TTC7B: variants seen among roughly 807,000 people sequenced by gnomAD.
TTC7B encodes tetratricopeptide repeat domain 7B.
Under a neutral mutation model 106.8 loss-of-function variants are expected in TTC7B, and 28 were observed. The observed-to-expected ratio is 0.26, with a 90% CI of 0.19 to 0.36. TTC7B has a LOEUF of 0.36. Among genes scored for constraint, TTC7B ranks in the 10% least tolerant of loss-of-function variants. The probability of loss-of-function intolerance (pLI) is 1.00; values close to 1 mark genes in which losing one functional copy is unlikely to be tolerated. For synonymous variants in TTC7B, 405 were observed against 430.6 expected, an observed-to-expected ratio of 0.94 and a Z score of 0.74; for missense variants, 862 against 1,076.4, an observed-to-expected ratio of 0.80 and a Z score of 2.79.
At chr14:90,694,585 T>G (rs1213688374) in intron 6 of TTC7B, among the ~76,000 whole-genome samples, 1 of 148,918 alleles carries the variant, frequency 6.7e-6, no homozygotes, top group South Asian at 2.1e-4. Context: ...GTATAATACA[T>G]ATATGTCACA....
intron 19 of TTC7B, among the ~76,000 whole-genome samples, chr14:90,547,409 T>C (rs556170147): frequency 7.9e-5 from 12 of 152,366 alleles, no homozygotes; most frequent in African/African-American, 2.4e-4. Flanking sequence ...GGAAGGCTCC[T>C]GTGTGCAAGG....
chr14:90,793,808 A>G (rs188858556), intron 1 of TTC7B, among the ~76,000 whole-genome samples: 1 of 151,202 alleles, frequency 6.6e-6, no homozygotes, highest in African/African-American at 2.4e-5. Context: ...GGGTTTCTCC[A>G]TGTTGGTCAG....
At chr14:90,618,230 A>T (rs954018704) in intron 15 of TTC7B, among the ~76,000 whole-genome samples, 185 bp from the exon 16 acceptor site, 2 of 152,208 alleles carry the variant, frequency 1.3e-5, no homozygotes, top group East Asian at 1.9e-4. Flanking sequence ...GCTTTGCACA[A>T]GTCTCACCAC....
intron 18 of TTC7B, among the ~76,000 whole-genome samples, chr14:90,592,597 T>C (rs1052684160): frequency 6.6e-6 from 1 of 151,478 alleles, no homozygotes; most frequent in African/African-American, 2.4e-5. Context: ...TAATTCCAGC[T>C]ACTTGGGAGG....
intron 15 of TTC7B, among the ~76,000 whole-genome samples, chr14:90,623,746 C>A (rs769086912): frequency 1.3e-5 from 2 of 152,190 alleles, no homozygotes; most frequent in Non-Finnish European, 2.9e-5. Flanking sequence ...TTTGGCTGGG[C>A]GCTGTGGCTC....
chr14:90,753,468 C>A (rs1890195118), intron 3 of TTC7B, among the ~76,000 whole-genome samples: 2 of 152,314 alleles, frequency 1.3e-5, no homozygotes, highest in South Asian at 4.1e-4. Context: ...CAAGGGCAGC[C>A]CCGATGGCTG....
chr14:90,736,622 T>C (rs762670079), intron 4 of TTC7B, among the ~76,000 whole-genome samples: 1 of 151,884 alleles, frequency 6.6e-6, no homozygotes. Context: ...TGGTGGCTTA[T>C]GCATGTAATC....
At chr14:90,764,773 C>T (rs1413430193) in intron 3 of TTC7B, among the ~76,000 whole-genome samples, 1 of 152,094 alleles carries the variant, frequency 6.6e-6, no homozygotes, top group Non-Finnish European at 1.5e-5. Context: ...CCATTTCATA[C>T]ACTCTAGGAT....
rs1459536698 is a variant in TTC7B at position 90,734,433 on chromosome 14, AAAAG to A, written c.577-4241_577-4238del. Among the ~76,000 whole-genome samples, 101 of 151,954 alleles carry A rather than the reference AAAAG, an allele frequency of 6.6e-4. 1 individual carries two copies. The highest frequency in any genetic ancestry group is 2.1e-3 in the African/African-American group (88 of 41,486). On this transcript the variant is annotated intron_variant, in intron 4 of 19. Transcript: ENST00000328459. ...AGACTCTGTCTCCCAAAAAAAAAAAAAAAGAAAGGAGGAAACAACGACAAAAATC... is the reference window on the plus strand; with the variant it reads ...AGACTCTGTCTCCCAAAAAAAAAAAAAAAGGAGGAAACAACGACAAAAATC...
chr14:90,603,597 A>C (rs1319215397), intron 17 of TTC7B, among the ~76,000 whole-genome samples: 1 of 152,212 alleles, frequency 6.6e-6, no homozygotes, highest in Non-Finnish European at 1.5e-5. Context: ...TTCCAAAGGG[A>C]AGGGAAAAAT....
intron 15 of TTC7B, among the ~76,000 whole-genome samples, chr14:90,618,259 G>A (rs989475076): frequency 3.3e-5 from 5 of 152,228 alleles, no homozygotes; most frequent in South Asian, 2.1e-4. Context: ...ATGCAAGCAC[G>A]ATGTGACTAT....
chr14:90,668,405 G>A (rs1419476106), intron 9 of TTC7B, among the ~76,000 whole-genome samples: 2 of 152,154 alleles, frequency 1.3e-5, no homozygotes, highest in Admixed American at 6.5e-5. Flanking sequence ...GCCAGAATTT[G>A]AACACAGATC....
intron 18 of TTC7B, among the ~76,000 whole-genome samples, chr14:90,579,729 G>A (rs758128208): frequency 6.6e-5 from 10 of 152,226 alleles, no homozygotes; most frequent in Non-Finnish European, 1.0e-4. Flanking sequence ...AACCTGGGAG[G>A]TGGAGGTTGC....
At chr14:90,586,421 C>A (rs1303742891) in intron 18 of TTC7B, among the ~76,000 whole-genome samples, 2 of 152,172 alleles carry the variant, frequency 1.3e-5, no homozygotes, top group East Asian at 3.9e-4. Flanking sequence ...CAGGTGCCTG[C>A]CACCACACCT....
At chr14:90,728,337 C>CA (rs35504744) in intron 5 of TTC7B, among the ~76,000 whole-genome samples, 12,453 of 40,270 alleles carry the variant, frequency 0.31, 3,644 homozygotes, top group East Asian at 0.45. Flanking sequence ...GTCCCCCCCG[C>CA]AAAAAAAAAA....
intron 3 of TTC7B, among the ~76,000 whole-genome samples, chr14:90,748,121 T>C (rs1336793962): frequency 6.6e-6 from 1 of 152,212 alleles, no homozygotes; most frequent in East Asian, 1.9e-4. Context: ...TCATTTATAT[T>C]TAATGTAATT....
chr14:90,737,820 G>C (rs1172151399), intron 4 of TTC7B, among the ~76,000 whole-genome samples: 1 of 152,138 alleles, frequency 6.6e-6, no homozygotes, highest in Non-Finnish European at 1.5e-5. Context: ...GCCTCCCAAA[G>C]TGCTAGGATT....
intron 3 of TTC7B, among the ~76,000 whole-genome samples, chr14:90,776,250 G>A (rs959104331): frequency 3.3e-5 from 5 of 151,502 alleles, no homozygotes; most frequent in African/African-American, 9.7e-5. Context: ...ATAATTGGTA[G>A]CAGCCTGCAT....
chr14:90,609,337 T>C (rs1457077861), intron 17 of TTC7B, among the ~76,000 whole-genome samples: 1 of 152,216 alleles, frequency 6.6e-6, no homozygotes, highest in Non-Finnish European at 1.5e-5. Context: ...CAAAAATCTT[T>C]TTACCCAGGA....
Sources: allele counts gnomAD v4.1 joint callset (sites outside exome capture counted in the v4.1 genomes callset), GRCh38; gene constraint gnomAD v4.1.1; transcripts MANE v1.5; gene names NCBI Gene and HGNC (gene_info 2026-07-23, HGNC 2026-07-21).